RIMBP2: variants seen among roughly 807,000 people sequenced by gnomAD.
RIMBP2 encodes the protein RIMS binding protein 2.
In RIMBP2, 48 loss-of-function variants were observed where a neutral mutation model predicts 118.6. The observed-to-expected ratio is 0.40, with a 90% CI of 0.32 to 0.51. The LOEUF is 0.51. Among genes scored for constraint, RIMBP2 ranks in the 20% least tolerant of loss-of-function variants. The pLI is 0.41. For synonymous variants in RIMBP2, 762 were observed against 742.9 expected (o/e 1.03, Z -0.42); for missense variants, 1,551 against 1,768.3 (o/e 0.88, Z 2.20).
In RIMBP2 at chr12:130,447,286, G is replaced by A. The variant is rs1311363275; in HGVS notation, c.582-2017C>T. On this transcript the variant is annotated intron_variant, in intron 9 of 22. Coordinates refer to ENST00000690449, the MANE Select transcript of RIMBP2 (RefSeq NM_001393629.1). The surrounding 1 kb of genome is among the most constrained non-coding windows in gnomAD (Gnocchi z 4.4). ...AAGGTCCCTGGCTGGTAAGGGCACG[G>A]AGAAGAAGTGGGAGATCCTACGGCT... is the stretch of plus-strand genomic sequence containing the variant. Among the ~76,000 whole-genome samples the A allele has an allele frequency of 6.6e-6, 1 of 151,900 alleles. No homozygotes were observed. The highest frequency in any genetic ancestry group is 1.5e-5 in the Non-Finnish European group (1 of 67,964).
In RIMBP2 at chr12:130,424,977, G is replaced by T; in HGVS notation, c.2413-119C>A. 1 of 508,126 alleles carries T rather than the reference G, an allele frequency of 2.0e-6. No homozygotes were observed. Among genetic ancestry groups the T allele is most frequent in the Non-Finnish European group, 3.0e-6 (1 of 329,480 alleles). The allele number at this position is 508,126 out of a possible 1,614,324, so 31.5% of individuals were successfully genotyped here. On this transcript the variant is annotated intron_variant, in intron 15 of 22. Coordinates refer to ENST00000690449, the MANE Select transcript of RIMBP2 (RefSeq NM_001393629.1). The surrounding 1 kb of genome is among the most constrained non-coding windows in gnomAD (Gnocchi z 9.8). ...TAGTCCTGGAGGCACCGAGGGGGGG[G>T]AAGCATGCGTCTACTCAGGCCGGGG...
intron 6 of RIMBP2, among the ~76,000 whole-genome samples, chr12:130,456,933 G>A (rs551487657): frequency 6.6e-6 from 1 of 152,316 alleles, no homozygotes; most frequent in Middle Eastern, 3.4e-3. Flanking sequence ...CACTTTCACG[G>A]GAGAGCAGTG....
chr12:130,580,071 G>T (rs377346803), intron 2 of RIMBP2, among the ~76,000 whole-genome samples: 1 of 151,216 alleles, frequency 6.6e-6, no homozygotes, highest in East Asian at 1.9e-4. Flanking sequence ...GGTGGCAGGT[G>T]CCTGTAATCC....
At chr12:130,426,600 GACA>G (rs1192418499) in intron 15 of RIMBP2, 2 of 152,246 alleles carry the variant, frequency 1.3e-5, no homozygotes, top group Admixed American at 1.3e-4. Flanking sequence ...TCTAAAACCA[GACA>G]ACACCTTGTG....
intron 1 of RIMBP2, among the ~76,000 whole-genome samples, chr12:130,635,287 G>A (rs1169234546): frequency 2.0e-5 from 3 of 152,178 alleles, no homozygotes; most frequent in Non-Finnish European, 4.4e-5. Flanking sequence ...GTCACTCCAG[G>A]AGGGGAGGGA....
chr12:130,670,680 C>T lies in RIMBP2; in HGVS notation c.-351-42224G>A, dbSNP rs111891997. ...AAAGGAGAAACGCTCACTGTCCCAC[C>T]CTCCCTTGCAGCTACAGTTGTCCAT... is the stretch of plus-strand genomic sequence containing the variant. On this transcript the variant is annotated intron_variant, in intron 1 of 22. Coordinates refer to ENST00000690449, the MANE Select transcript of RIMBP2 (RefSeq NM_001393629.1). The surrounding 1 kb of genome is among the most constrained non-coding windows in gnomAD (Gnocchi z 4.9). Among the ~76,000 whole-genome samples, 1 of 148,252 alleles carries T rather than the reference C, an allele frequency of 6.7e-6. No homozygotes were observed. The highest frequency in any genetic ancestry group is 1.5e-5 in the Non-Finnish European group (1 of 65,376).
chr12:130,563,076 T>C (rs891318053), intron 2 of RIMBP2, among the ~76,000 whole-genome samples: 3 of 152,240 alleles, frequency 2.0e-5, no homozygotes, highest in African/African-American at 7.2e-5. Context: ...TCACGCTGCA[T>C]AAAATGTATC....
intron 1 of RIMBP2, among the ~76,000 whole-genome samples, chr12:130,714,916 G>A (rs1950220853): frequency 6.6e-6 from 1 of 152,226 alleles, no homozygotes; most frequent in South Asian, 2.1e-4. Flanking sequence ...ATGTGCGTGG[G>A]GGAGGTGGTG....
At chr12:130,569,381 C>T (rs780225250) in intron 2 of RIMBP2, among the ~76,000 whole-genome samples, 37 of 152,212 alleles carry the variant, frequency 2.4e-4, no homozygotes, top group African/African-American at 6.8e-4. Flanking sequence ...CTTCTTCTCA[C>T]GCCCAGTTCT....
chr12:130,707,789 A>C (rs1949607150), intron 1 of RIMBP2, among the ~76,000 whole-genome samples: 3 of 152,102 alleles, frequency 2.0e-5, no homozygotes, highest in African/African-American at 7.2e-5. Flanking sequence ...CCCGAGCAAG[A>C]AGAGCTCAGA....
In RIMBP2 at chr12:130,434,403, G is replaced by T. The variant is rs1481760329; in HGVS notation, c.2253+331C>A. ...AAACATCTGCCCAGTTAACGGAGGT[G>T]AATGAGCGAATGGCAGGTTCTGCCT... On this transcript the variant is annotated intron_variant, in intron 14 of 22. Transcript: ENST00000690449. This position sits in a 1 kb window ranked among gnomAD's most constrained non-coding sequence, Gnocchi z 5.7. Among the ~76,000 whole-genome samples, 1 of 152,272 alleles carries T rather than the reference G, an allele frequency of 6.6e-6. No homozygotes were observed. Among genetic ancestry groups the T allele is most frequent in the Non-Finnish European group, 1.5e-5 (1 of 68,018 alleles).
At chr12:130,676,875 A>G (rs2064514247) in intron 1 of RIMBP2, among the ~76,000 whole-genome samples, 1 of 152,120 alleles carries the variant, frequency 6.6e-6, no homozygotes, top group African/African-American at 2.4e-5. Context: ...GGGGAGGGAA[A>G]GCCTGCCAGG....
intron 7 of RIMBP2, among the ~76,000 whole-genome samples, chr12:130,456,064 A>G (rs951633948): frequency 6.6e-6 from 1 of 152,206 alleles, no homozygotes; most frequent in Non-Finnish European, 1.5e-5. Flanking sequence ...TGAGATGAGA[A>G]GGAAGGAAAA....
chr12:130,572,482 C>A (rs553561729), intron 2 of RIMBP2, among the ~76,000 whole-genome samples: 1 of 152,074 alleles, frequency 6.6e-6, no homozygotes, highest in Admixed American at 6.6e-5. Context: ...TCATCCTTTA[C>A]AAGGCGGCTG....
intron 2 of RIMBP2, among the ~76,000 whole-genome samples, chr12:130,586,914 T>C (rs1220548456): frequency 7.4e-5 from 6 of 81,050 alleles, no homozygotes; most frequent in African/African-American, 2.0e-4. Flanking sequence ...GGAGAAAATT[T>C]TCGCAACCTA....
intron 1 of RIMBP2, among the ~76,000 whole-genome samples, chr12:130,665,245 C>T (rs1453878517): frequency 2.6e-5 from 4 of 151,678 alleles, no homozygotes; most frequent in African/African-American, 9.8e-5. Flanking sequence ...CCTGAAAAAA[C>T]ACAACACCCC....
chr12:130,686,360 G>GCT (rs1282385915), intron 1 of RIMBP2, among the ~76,000 whole-genome samples: 2 of 152,220 alleles, frequency 1.3e-5, no homozygotes, highest in Admixed American at 1.3e-4. Context: ...GCGCCCCCAG[G>GCT]CTGTCAGATT....
intron 4 of RIMBP2, among the ~76,000 whole-genome samples, chr12:130,492,437 GA>G (rs375886791): frequency 1.3e-3 from 202 of 150,916 alleles, no homozygotes; most frequent in African/African-American, 4.4e-3. Flanking sequence ...TCCTTTGGGG[GA>G]AAAAAAAAGA....
intron 2 of RIMBP2, among the ~76,000 whole-genome samples, chr12:130,611,496 C>T (rs1018124304): frequency 4.6e-5 from 7 of 152,206 alleles, no homozygotes; most frequent in Admixed American, 6.5e-5. Flanking sequence ...TGGAAGACAC[C>T]GGCTGCCGGC....
Sources: allele counts gnomAD v4.1 joint callset (sites outside exome capture counted in the v4.1 genomes callset), GRCh38; gene constraint gnomAD v4.1.1; non-coding constraint Gnocchi (gnomAD v3.1); transcripts MANE v1.5; gene names NCBI Gene and HGNC (gene_info 2026-07-23, HGNC 2026-07-21).